Variants in MICALL2 observed in about 807,000 individuals in gnomAD.
MICALL2 encodes the protein MICAL like 2.
Under a neutral mutation model 91.1 loss-of-function variants are expected in MICALL2, and 111 were observed. The observed-to-expected ratio is 1.22, with a 90% CI of 1.04 to 1.43. MICALL2 has a LOEUF of 1.43. MICALL2 is among the 40% of genes most tolerant of loss of function. The pLI, the probability that MICALL2 is intolerant of heterozygous loss-of-function variation, is 0.00. For synonymous variants in MICALL2, 694 were observed against 525.3 expected, an observed-to-expected ratio of 1.32 and a Z score of -4.39; for missense variants, 1,556 against 1,236.0, an observed-to-expected ratio of 1.26 and a Z score of -3.88.
intron 10 of MICALL2, 183 bp from the exon 11 acceptor site, chr7:1,438,536 G>A (rs1039269562): frequency 1.4e-6 from 2 of 1,433,112 alleles, no homozygotes; most frequent in Middle Eastern, 2.6e-4. Context: ...TGGCCTCCAG[G>A]CCCAGCCCCA....
intron 2 of MICALL2, among the ~76,000 whole-genome samples, chr7:1,450,010 GAA>G (rs143878087): frequency 0.017 from 2,539 of 152,330 alleles, 64 homozygotes; most frequent in African/African-American, 0.058. Context: ...CCCAGCTCAG[GAA>G]AAGAGGGGAC....
rs375493412 is a variant in MICALL2 at position 1,439,635 on chromosome 7, A to T, written c.1966+290T>A. On this transcript the variant is annotated intron_variant, in intron 9 of 16. Transcript: ENST00000297508. ...ATCACATACATGAACAGACACATGG[A>T]CATGCATCACGTGCACATGCATCAC... 170 of 350,956 alleles carry T rather than the reference A, an allele frequency of 4.8e-4. 1 individual carries two copies. The highest frequency in any genetic ancestry group is 1.3e-3 in the African/African-American group (61 of 47,386). 21.7% of individuals were successfully genotyped at this position (350,956 alleles called of 1,614,324 possible). A position where few individuals can be genotyped will look rare whatever the true frequency, so the allele number is the denominator to read the frequency against.
intron 10 of MICALL2, chr7:1,438,612 A>G: frequency 7.0e-7 from 1 of 1,420,522 alleles, no homozygotes; most frequent in Non-Finnish European, 9.2e-7. Context: ...AGCTGCCAGA[A>G]GCAGACATTC....
Position 1,456,081 on chromosome 7 carries a change from T to C in MICALL2, c.143+3103A>G, listed in dbSNP as rs112390235. 5.9e-3 allele frequency among the ~76,000 whole-genome samples: 903 copies of C among 151,870 alleles called. 13 individuals are homozygous for C. The highest frequency in any genetic ancestry group is 0.017 in the African/African-American group (719 of 41,436). On this transcript the variant is annotated intron_variant, in intron 1 of 16. Coordinates refer to ENST00000297508, the MANE Select transcript of MICALL2 (RefSeq NM_182924.4). ...CAGAGGTACGGCAGGGAGCAGAGGCTGAGGGCACGGGATGGGGGTGATGAA... is the reference window on the plus strand; with the variant it reads ...CAGAGGTACGGCAGGGAGCAGAGGCCGAGGGCACGGGATGGGGGTGATGAA...
In MICALL2 at chr7:1,442,332, C is replaced by T. The variant is rs201148298; in HGVS notation, c.1571G>A (p.Ser524Asn). 1 of 1,613,202 alleles carries T rather than the reference C, an allele frequency of 6.2e-7. No homozygotes were observed. The highest frequency in any genetic ancestry group is 2.2e-5 in the East Asian group (1 of 44,886). The stretch of plus-strand genomic sequence containing the variant: ...GGGCAACGCGGATGCCTGAGAGGTA[C>T]TGCTCGTGCTCAGCGGGGCTGGCGG... ...MEPPAPLSTS[S>N]TSQASALPPA... Residue 524 changes from serine (S) to asparagine (N), a missense_variant, in exon 7 of 17, where the codon AGT becomes AAT. Coordinates refer to ENST00000297508, the MANE Select transcript of MICALL2 (RefSeq NM_182924.4).
At chr7:1,448,559 AG>A in intron 3 of MICALL2, 60 bp downstream of exon 3, 1 of 1,584,790 alleles carries the variant, frequency 6.3e-7, no homozygotes, top group African/African-American at 1.3e-5. Flanking sequence ...CAGGCCTGGG[AG>A]CCAGGCCAAG....
At chr7:1,446,497 G>T (rs1346417790) in intron 5 of MICALL2, among the ~76,000 whole-genome samples, 1 of 111,928 alleles carries the variant, frequency 8.9e-6, no homozygotes, top group Non-Finnish European at 1.9e-5. Flanking sequence ...GGGAGGATGG[G>T]AAGGAAAGTG....
chr7:1,444,753 C>G lies in MICALL2; in HGVS notation c.1317G>C (p.Pro439=). 6.2e-7 allele frequency: 1 copy of G among 1,612,286 alleles called. No homozygotes were observed. Among genetic ancestry groups the G allele is most frequent in the Non-Finnish European group, 8.5e-7 (1 of 1,179,768 alleles). The change falls in exon 6 of 17, where the codon CCG becomes CCC. Residue 439 remains proline, a synonymous_variant. Coordinates refer to ENST00000297508, the MANE Select transcript of MICALL2 (RefSeq NM_182924.4). The part of the protein sequence containing the change: ...GTSLSGRGPT[P]SLVLSKDSSK... ...TGCTGTCCTTGGATAGAACAAGTGA[C>G]GGGGTGGGACCTCTGCCAGAAAGGC... is the stretch of plus-strand genomic sequence containing the variant.
intron 14 of MICALL2, chr7:1,437,159 ACGGCCTGGGCCTGTGCCCT>A (rs1370070685): frequency 6.3e-6 from 3 of 476,496 alleles, no homozygotes. Context: ...GCAGAGGCAG[ACGGCCTGGGCCTGTGCCCT>A]CAGCCAGGGC....
chr7:1,446,803 A>C lies in MICALL2; in HGVS notation c.551T>G (p.Val184Gly). The change falls in exon 5 of 17, where the codon GTC (valine) becomes GGC (glycine). Residue 184 changes from valine to glycine, a missense_variant. Val to Gly is a moderately radical substitution (Grantham distance 109, BLOSUM62 -3). Transcript: ENST00000297508. ...KTDQALAGSL[V>G]SSTCGVCGKH... ...GCCGCAGACCCCGCAGGTGCTGCTG[A>C]CCAAGCTGCCCGCCAATGCCTGGTC... 5 of 1,601,228 alleles carry C rather than the reference A, an allele frequency of 3.1e-6. No homozygotes were observed. The highest frequency in any genetic ancestry group is 4.3e-6 in the Non-Finnish European group (5 of 1,174,256).
chr7:1,438,927 A>T lies in MICALL2; in HGVS notation c.2035T>A (p.Trp679Arg), dbSNP rs1410009563. Residue 679 changes from tryptophan to arginine, a missense_variant, in exon 10 of 17, where the codon TGG (tryptophan) becomes AGG (arginine). Transcript: ENST00000297508. Reference sequence around the variant, plus strand: ...TGGCCAGGGGGCTCCGGCCGAAGCCAGTTGTCACAAACGTCGAGGCTGGCA... The same window carrying T: ...TGGCCAGGGGGCTCCGGCCGAAGCCTGTTGTCACAAACGTCGAGGCTGGCA... ...VPASLDVCDN[W>R]LRPEPPGQEA... is the part of the protein sequence containing the mutation. 5 of 1,607,726 alleles carry T rather than the reference A, an allele frequency of 3.1e-6. No homozygotes were observed. The highest frequency in any genetic ancestry group is 2.2e-5 in the East Asian group (1 of 44,870).
chr7:1,444,691 A>T lies in MICALL2; in HGVS notation c.1379T>A (p.Leu460His), dbSNP rs773402904. The T allele has an allele frequency of 6.2e-7, 1 of 1,612,076 alleles. No individual in the cohort carries two copies. Among genetic ancestry groups the T allele is most frequent in the Admixed American group, 1.7e-5 (1 of 59,996 alleles). The change falls in exon 6 of 17, where the codon CTC (leucine) becomes CAC (histidine). Residue 460 changes from leucine to histidine, a missense_variant. Leu to His is a moderately conservative substitution (Grantham distance 99, BLOSUM62 -3). Coordinates refer to ENST00000297508, the MANE Select transcript of MICALL2 (RefSeq NM_182924.4). ...AGCGCCAGCCTCTTCCAGCGCTGAG[A>T]GGGCCTGCTTGAGGAAGTTCCGCGC... is the stretch of plus-strand genomic sequence containing the variant. ...EQARNFLKQALSALEEAGAPA... is the reference protein window; with the variant it reads ...EQARNFLKQAHSALEEAGAPA...
chr7:1,440,840 C>A (rs1028384662), intron 7 of MICALL2, 156 bp from the exon 8 acceptor site: 19 of 632,728 alleles, frequency 3.0e-5, no homozygotes, highest in Non-Finnish European at 4.8e-5. Context: ...GAGCACCGGG[C>A]AGGGAGTCAG....
Position 1,444,861 on chromosome 7 carries a change from G to C in MICALL2, c.1209C>G (p.Pro403=), listed in dbSNP as rs954755603. 1 of 1,602,066 alleles carries C rather than the reference G, an allele frequency of 6.2e-7. No homozygotes were observed. ...TGGAGGCGGACGGGGTCCAGGCTGG[G>C]GGGTCCACCGTGGCTGCAGATGTGG... The part of the protein sequence containing the change: ...SSSTSAATVD[P]PAWTPSASRT... Residue 403 remains proline (P), a synonymous_variant, in exon 6 of 17, where the codon CCC becomes CCG. Coordinates refer to ENST00000297508, the MANE Select transcript of MICALL2 (RefSeq NM_182924.4).
rs1224958819 is a variant in MICALL2 at position 1,442,398 on chromosome 7, G to T, written c.1505C>A (p.Ser502Tyr). ...QASPLAKPLQ[S>Y]SSPRVLGLPS... ...GAGGCCAAGCACCCGGGGAGACGAG[G>T]ACTGTAACGGCTTGGCTAAGGGACT... Residue 502 changes from serine to tyrosine, a missense_variant, in exon 7 of 17, where the codon TCC becomes TAC. Coordinates refer to ENST00000297508, the MANE Select transcript of MICALL2 (RefSeq NM_182924.4). 1 of 1,602,780 alleles carries T rather than the reference G, an allele frequency of 6.2e-7. No homozygotes were observed. The highest frequency in any genetic ancestry group is 8.5e-7 in the Non-Finnish European group (1 of 1,173,698).
rs1368826654 is a variant in MICALL2, at chr7:1,442,310, C to G, written c.1593G>C (p.Leu531Phe). 4 of 1,613,070 alleles carry G rather than the reference C, an allele frequency of 2.5e-6. No homozygotes were observed. ...STSSTSQASA[L>F]PPAGRRNLAE... ...CCAAGTTCCTCCTGCCTGCCGGGGG[C>G]AACGCGGATGCCTGAGAGGTACTGC... The change falls in exon 7 of 17, where the codon TTG (leucine) becomes TTC (phenylalanine). Residue 531 changes from leucine to phenylalanine, a missense_variant. Coordinates refer to ENST00000297508, the MANE Select transcript of MICALL2 (RefSeq NM_182924.4).
At chr7:1,450,695 C>T (rs1780793452) in intron 1 of MICALL2, among the ~76,000 whole-genome samples, 1 of 152,162 alleles carries the variant, frequency 6.6e-6, no homozygotes. Context: ...AGGCCTGATG[C>T]CCCCAGAGGA....
intron 6 of MICALL2, among the ~76,000 whole-genome samples, chr7:1,442,853 C>G (rs1475993697): frequency 6.6e-6 from 1 of 152,196 alleles, no homozygotes; most frequent in Non-Finnish European, 1.5e-5. Context: ...ACCACCCACC[C>G]AGGCTGGAGG....
rs76403946 is a variant in MICALL2, at chr7:1,452,256, A to G, written c.144-1968T>C. Among the ~76,000 whole-genome samples, 1,935 of 152,242 alleles carry G rather than the reference A, an allele frequency of 0.013. 38 individuals carry two copies. The highest frequency in any genetic ancestry group is 0.044 in the African/African-American group (1,833 of 41,558). On this transcript the variant is annotated intron_variant, in intron 1 of 16. Coordinates refer to ENST00000297508, the MANE Select transcript of MICALL2 (RefSeq NM_182924.4). This position sits in a 1 kb window ranked among gnomAD's most constrained non-coding sequence, Gnocchi z 6.2. ...CCCTCCCTGGGCTCAGTGGCAGCGAAAGCGGTTTCCGTCTGCTCGGGCCTG... is the reference window on the plus strand; with the variant it reads ...CCCTCCCTGGGCTCAGTGGCAGCGAGAGCGGTTTCCGTCTGCTCGGGCCTG...
Sources: gnomAD v4.1 joint callset for allele counts (sites outside exome capture counted in the v4.1 genomes callset) on GRCh38, gnomAD v4.1.1 for gene constraint, Gnocchi (gnomAD v3.1) non-coding constraint, MANE v1.5 for transcripts, NCBI Gene and HGNC (gene_info 2026-07-23, HGNC 2026-07-21) for gene names.